Variants in CCDC171 observed in about 807,000 individuals in gnomAD.
CCDC171 encodes coiled-coil domain containing 171.
CCDC171 carries 177 observed loss-of-function variants against 168.2 expected under a neutral mutation model. The ratio of observed to expected loss-of-function variants is 1.05; its 90% CI spans 0.93 to 1.19. The LOEUF (loss-of-function observed/expected upper bound fraction) is 1.19, where lower values mean the gene tolerates loss of function less well. Ranked by LOEUF, CCDC171 falls within the 50% of genes most tolerant of loss-of-function variation. The pLI, the probability that CCDC171 is intolerant of heterozygous loss-of-function variation, is 0.00. For synonymous variants in CCDC171, 687 were observed against 540.8 expected (o/e 1.27, Z -3.75); for missense variants, 1,991 against 1,539.0 (o/e 1.29, Z -4.91).
chr9:15,687,150 C>G (rs2050452389), intron 10 of CCDC171, among the ~76,000 whole-genome samples: 1 of 152,108 alleles, frequency 6.6e-6, no homozygotes, highest in South Asian at 2.1e-4. Flanking sequence ...ATAACACACT[C>G]CTAAATAACC....
chr9:15,604,755 G>T (rs1317732589), intron 6 of CCDC171, among the ~76,000 whole-genome samples: 5 of 152,192 alleles, frequency 3.3e-5, no homozygotes, highest in African/African-American at 9.7e-5. Context: ...AGCTGACCCA[G>T]TAAGTATGAT....
intron 18 of CCDC171, among the ~76,000 whole-genome samples, chr9:15,748,134 C>G (rs1033746454): frequency 6.6e-6 from 1 of 152,116 alleles, no homozygotes; most frequent in African/African-American, 2.4e-5. Context: ...CCTCAATTTT[C>G]TGATGCAGCT....
At chr9:15,829,048 A>G (rs1006025875) in intron 21 of CCDC171, among the ~76,000 whole-genome samples, 2 of 152,222 alleles carry the variant, frequency 1.3e-5, no homozygotes, top group Admixed American at 1.3e-4. Flanking sequence ...AGTGTTTACT[A>G]TATGTTTGGC....
intron 7 of CCDC171, among the ~76,000 whole-genome samples, chr9:15,637,793 A>G (rs905191238): frequency 5.3e-5 from 8 of 152,076 alleles, no homozygotes; most frequent in African/African-American, 1.9e-4. Flanking sequence ...TACAAAGGAC[A>G]TGAACTCATC....
At chr9:15,914,953 T>C (rs1462993765) in intron 24 of CCDC171, among the ~76,000 whole-genome samples, 1 of 152,132 alleles carries the variant, frequency 6.6e-6, no homozygotes, top group African/African-American at 2.4e-5. Context: ...ACTCTGCTTC[T>C]GCTCACCCTC....
chr9:15,744,390 G>C lies in CCDC171; in HGVS notation c.2167G>C (p.Glu723Gln), dbSNP rs773689830. ...FKKLLSQTQREQMSLLAACAL... is the reference protein window; with the variant it reads ...FKKLLSQTQRQQMSLLAACAL... ...AAAACTGTTATCACAGACTCAAAGG[G>C]AACAGATGTCCTTGCTGGCAGCCTG... The change falls in exon 17 of 26, where the codon GAA (glutamate) becomes CAA (glutamine). Residue 723 changes from glutamate (E) to glutamine (Q), a missense_variant. By Grantham distance (29) the Glu-to-Gln change is conservative (BLOSUM62 2). Transcript: ENST00000380701. 2 of 1,614,174 alleles carry C rather than the reference G, an allele frequency of 1.2e-6. No individual in the cohort carries two copies. The highest frequency in any genetic ancestry group is 1.7e-6 in the Non-Finnish European group (2 of 1,180,026).
rs74974235 is a variant in CCDC171 at position 15,861,215 on chromosome 9, T to TC, written c.3468+12269dup. Among the ~76,000 whole-genome samples the TC allele has an allele frequency of 4.4e-3, 188 of 42,322 alleles. 1 individual carries two copies. Among genetic ancestry groups the TC allele is most frequent in the East Asian group, 0.025 (7 of 276 alleles). The allele number at this position is 42,322 out of a possible 152,430, so 27.8% of individuals were successfully genotyped here. ...TTCTCATAGACAGCGTATAGTTGGA[T>TC]CTTTTTTTTTTTTAAATCCGTTCAG... On this transcript the variant is annotated intron_variant, in intron 23 of 25. Transcript: ENST00000380701.
intron 25 of CCDC171, among the ~76,000 whole-genome samples, chr9:15,930,376 T>C (rs1201577901): frequency 2.6e-5 from 4 of 151,568 alleles, no homozygotes; most frequent in Non-Finnish European, 5.9e-5. Flanking sequence ...ATAATATACA[T>C]TGGATGTTTC....
chr9:15,824,141 A>C (rs971884387), intron 21 of CCDC171, among the ~76,000 whole-genome samples: 1 of 152,072 alleles, frequency 6.6e-6, no homozygotes, highest in Non-Finnish European at 1.5e-5. Context: ...AAAAAACATG[A>C]CATATTGGCT....
At chr9:15,798,132 G>A (rs2058649522) in intron 21 of CCDC171, among the ~76,000 whole-genome samples, 3 of 151,942 alleles carry the variant, frequency 2.0e-5, no homozygotes, top group Admixed American at 2.0e-4. Flanking sequence ...TTTGCTATTT[G>A]GGTCCATTGA....
intron 11 of CCDC171, among the ~76,000 whole-genome samples, chr9:15,702,794 C>T (rs529212244): frequency 1.3e-5 from 2 of 152,250 alleles, no homozygotes; most frequent in African/African-American, 4.8e-5. Flanking sequence ...ATGCAGAAGG[C>T]TTTTTTCCTT....
At chr9:15,754,787 C>G (rs1355345672) in intron 18 of CCDC171, among the ~76,000 whole-genome samples, 3 of 152,070 alleles carry the variant, frequency 2.0e-5, no homozygotes, top group Admixed American at 2.0e-4. Flanking sequence ...TAAATGAATA[C>G]ATTTTTAAAG....
intron 3 of CCDC171, among the ~76,000 whole-genome samples, chr9:15,994,380 G>T (rs1832304427): frequency 6.6e-6 from 1 of 152,174 alleles, no homozygotes; most frequent in Admixed American, 6.5e-5. Flanking sequence ...GGTGGGAATT[G>T]AACAATGAGA....
intron 6 of CCDC171, among the ~76,000 whole-genome samples, chr9:15,602,724 C>T (rs1276179050): frequency 4.2e-5 from 6 of 141,956 alleles, no homozygotes; most frequent in Non-Finnish European, 7.5e-5. Context: ...GATGTGATCT[C>T]GGCTCACTGC....
chr9:15,796,770 G>C (rs1490314127), intron 21 of CCDC171, among the ~76,000 whole-genome samples: 1 of 152,152 alleles, frequency 6.6e-6, no homozygotes, highest in Non-Finnish European at 1.5e-5. Flanking sequence ...CTGGGGTTGG[G>C]GAGGAGCGTT....
At chr9:16,069,932 C>T in the CCDC171 span, among the ~76,000 whole-genome samples, 4 of 152,158 alleles carry the variant, frequency 2.6e-5, no homozygotes, top group Admixed American at 2.6e-4. Flanking sequence ...AGGGCTCCCC[C>T]TCCCATAGCA....
the CCDC171 span, among the ~76,000 whole-genome samples, chr9:16,070,524 T>C: frequency 6.6e-5 from 10 of 152,166 alleles, no homozygotes; most frequent in African/African-American, 2.2e-4. Flanking sequence ...GGCTTGGTTC[T>C]GAAAGGCTGG....
intron 11 of CCDC171, among the ~76,000 whole-genome samples, chr9:15,699,555 G>T (rs2051515288): frequency 6.6e-6 from 1 of 152,134 alleles, no homozygotes; most frequent in South Asian, 2.1e-4. Context: ...CTATCCCTGA[G>T]CTAGACACAA....
In CCDC171 at chr9:15,591,397, T is replaced by A; in HGVS notation, c.384T>A (p.Asn128Lys). 1.2e-6 allele frequency: 2 copies of A among 1,605,974 alleles called. No homozygotes were observed. The highest frequency in any genetic ancestry group is 1.7e-6 in the Non-Finnish European group (2 of 1,177,154). Reference protein sequence around the residue: ...AQNSELQAKTNETEKAFQTSQ... With the variant: ...AQNSELQAKTKETEKAFQTSQ... ...ATTCAGAACTTCAAGCAAAGACAAA[T>A]GAGACTGAGAAAGCATTTCAGACTT... The change falls in exon 5 of 26, where the codon AAT (asparagine) becomes AAA (lysine). Residue 128 changes from asparagine to lysine, a missense_variant. Coordinates refer to ENST00000380701, the MANE Select transcript of CCDC171 (RefSeq NM_173550.4).
Sources: allele counts gnomAD v4.1 joint callset (sites outside exome capture counted in the v4.1 genomes callset), GRCh38; gene constraint gnomAD v4.1.1; transcripts MANE v1.5; gene names NCBI Gene and HGNC (gene_info 2026-07-23, HGNC 2026-07-21).